DIAPH2: variants seen among roughly 807,000 people sequenced by gnomAD.
DIAPH2 encodes the protein diaphanous related formin 2, also known as protein diaphanous homolog 2.
A neutral mutation model predicts 92.7 loss-of-function variants in DIAPH2; 35 were observed. The observed-to-expected ratio is 0.38, with a 90% confidence interval of 0.29 to 0.50. DIAPH2 has a LOEUF of 0.50. Ranked by LOEUF, DIAPH2 falls within the 20% of genes least tolerant of loss-of-function variation. The pLI, the probability that DIAPH2 is intolerant of heterozygous loss-of-function variation, is 0.94. For synonymous variants in DIAPH2, 301 were observed against 280.4 expected (o/e 1.07, Z -0.73); for missense variants, 701 against 819.5 (o/e 0.86, Z 1.77).
At chrX:97,029,134 T>G (rs2066355078) in intron 17 of DIAPH2, among the ~76,000 whole-genome samples, 1 of 101,238 alleles carries the variant, frequency 9.9e-6, no homozygotes, top group South Asian at 5.2e-4. Flanking sequence ...GATCCTTTAC[T>G]TTTTTCTTTT....
intron 23 of DIAPH2, among the ~76,000 whole-genome samples, chrX:97,252,151 C>T (rs1303184658): frequency 8.9e-6 from 1 of 111,938 alleles, no homozygotes; most frequent in Non-Finnish European, 1.9e-5. Context: ...GACCTTACTG[C>T]TTATATCCAG....
Position 97,185,433 on chromosome X carries a change from ATG to A in DIAPH2, c.2719+43643_2719+43644del, listed in dbSNP as rs1569323236. Among the ~76,000 whole-genome samples, 12 of 57,440 alleles carry A rather than the reference ATG, an allele frequency of 2.1e-4. 1 individual carries two copies. Among genetic ancestry groups the A allele is most frequent in the South Asian group, 7.5e-4 (1 of 1,326 alleles). 49.9% of individuals were successfully genotyped at this position (57,440 alleles called of 115,157 possible). ...TATGTATATATATATGTATATATAT[ATG>A]TGTATATATATATGTGTGTGTATAT... On this transcript the variant is annotated intron_variant, in intron 22 of 26. Transcript: ENST00000324765.
chrX:96,969,663 G>A (rs73543189), intron 17 of DIAPH2, among the ~76,000 whole-genome samples: 2,461 of 111,234 alleles, frequency 0.022, 64 homozygotes, highest in African/African-American at 0.076. Flanking sequence ...TCTAGGTATA[G>A]GATCATATCG....
Position 96,919,864 on chromosome X carries a change from ATTAT to A in DIAPH2, c.978+1281_978+1284del, listed in dbSNP as rs60595365. Reference sequence around the variant, plus strand: ...TATGGTGTACTTTTATGTCAAATGTATTATTTATTTATTTATTTATTTATTTATT... The same window carrying A: ...TATGGTGTACTTTTATGTCAAATGTATTATTTATTTATTTATTTATTTATT... On this transcript the variant is annotated intron_variant, in intron 9 of 26. Transcript: ENST00000324765. Among the ~76,000 whole-genome samples the A allele has an allele frequency of 3.7e-3, 370 of 100,246 alleles. 2 individuals carry two copies. The highest frequency in any genetic ancestry group is 0.013 in the East Asian group (44 of 3,278). 87.1% of individuals were successfully genotyped at this position (100,246 alleles called of 115,157 possible). A position where few individuals can be genotyped will look rare whatever the true frequency, so the allele number is the denominator to read the frequency against.
intron 23 of DIAPH2, among the ~76,000 whole-genome samples, chrX:97,301,167 A>G (rs923088625): frequency 8.5e-5 from 9 of 106,037 alleles, no homozygotes; most frequent in Non-Finnish European, 1.4e-4. Flanking sequence ...AAAAAAAAAA[A>G]AAAAGAAAAT....
At chrX:97,456,011 A>G (rs1159182182) in intron 26 of DIAPH2, among the ~76,000 whole-genome samples, 2 of 112,088 alleles carry the variant, frequency 1.8e-5, no homozygotes, top group Non-Finnish European at 3.8e-5. Context: ...TACCTCCTTC[A>G]GAATCATGCT....
At chrX:97,088,614 TA>T (rs1370519823) in intron 19 of DIAPH2, among the ~76,000 whole-genome samples, 2 of 111,910 alleles carry the variant, frequency 1.8e-5, no homozygotes, top group Admixed American at 1.9e-4. Context: ...GTGAGCACTC[TA>T]TATTAAACTG....
chrX:97,003,021 C>T lies in DIAPH2; in HGVS notation c.2050+37814C>T, dbSNP rs142997922. Among the ~76,000 whole-genome samples the T allele has an allele frequency of 6.0e-4, 67 of 111,707 alleles. 1 individual carries two copies. In the East Asian group the frequency reaches 0.019, roughly 31 times the overall value. On this transcript the variant is annotated intron_variant, in intron 17 of 26. Coordinates refer to ENST00000324765, the MANE Select transcript of DIAPH2 (RefSeq NM_006729.5). The stretch of plus-strand genomic sequence containing the variant: ...TTCAATTGTTTGAATTTTTGGCTCT[C>T]ATGAATAAGTGAGAATATGTGAAGT...
At chrX:97,062,805 G>A (rs1310539484) in intron 17 of DIAPH2, among the ~76,000 whole-genome samples, 1 of 109,836 alleles carries the variant, frequency 9.1e-6, no homozygotes, top group East Asian at 2.8e-4. Flanking sequence ...GGCTGAGGTG[G>A]GTGGATTACT....
intron 26 of DIAPH2, among the ~76,000 whole-genome samples, chrX:97,510,114 C>A (rs1212412263): frequency 1.8e-5 from 2 of 109,883 alleles, no homozygotes; most frequent in African/African-American, 6.7e-5. Context: ...AACTAGTTTA[C>A]AGTCCCACCA....
chrX:96,780,690 G>C (rs963346550), intron 4 of DIAPH2, among the ~76,000 whole-genome samples: 4 of 110,234 alleles, frequency 3.6e-5, no homozygotes, highest in African/African-American at 1.3e-4. Flanking sequence ...CACCATGTTA[G>C]CCAGGATAGT....
intron 23 of DIAPH2, among the ~76,000 whole-genome samples, chrX:97,256,240 G>T (rs2068235403): frequency 8.9e-6 from 1 of 112,410 alleles, no homozygotes. Context: ...TTTTGTGTGT[G>T]TATGCACATA....
At chrX:96,899,075 C>T (rs2065371603) in intron 5 of DIAPH2, among the ~76,000 whole-genome samples, 2 of 110,639 alleles carry the variant, frequency 1.8e-5, no homozygotes, top group Non-Finnish European at 3.8e-5. Context: ...TGTTCTGTTC[C>T]GTTGATCTAT....
chrX:97,527,508 A>G (rs889519639), intron 26 of DIAPH2, among the ~76,000 whole-genome samples: 7 of 112,189 alleles, frequency 6.2e-5, no homozygotes, highest in Non-Finnish European at 1.1e-4. Context: ...CCCAAGTGGG[A>G]AAACTTTGCT....
chrX:96,874,132 T>C (rs1317413868), intron 4 of DIAPH2, among the ~76,000 whole-genome samples: 1 of 111,808 alleles, frequency 8.9e-6, no homozygotes, highest in Non-Finnish European at 1.9e-5. Flanking sequence ...ATCTGTTTCC[T>C]ATATTCATAG....
intron 4 of DIAPH2, among the ~76,000 whole-genome samples, chrX:96,802,818 A>G (rs1202268112): frequency 9.0e-6 from 1 of 111,625 alleles, no homozygotes; most frequent in Non-Finnish European, 1.9e-5. Context: ...TCGGAGTCCC[A>G]AAACCTTTAA....
chrX:97,353,145 A>G (rs1032950134), intron 24 of DIAPH2, among the ~76,000 whole-genome samples: 4 of 110,959 alleles, frequency 3.6e-5, no homozygotes, highest in African/African-American at 6.5e-5. Context: ...TCATAAGTGT[A>G]TACAAATAAA....
At chrX:96,929,949 A>G (rs1314017602) in intron 9 of DIAPH2, among the ~76,000 whole-genome samples, 4 of 111,149 alleles carry the variant, frequency 3.6e-5, no homozygotes, top group Admixed American at 9.6e-5. Flanking sequence ...CATTTTGTTG[A>G]TTCCCTTCTA....
intron 23 of DIAPH2, among the ~76,000 whole-genome samples, chrX:97,305,621 A>G (rs2147632767): frequency 9.1e-6 from 1 of 109,760 alleles, no homozygotes; most frequent in South Asian, 4.0e-4. Context: ...GGAGTTCGAG[A>G]CCAACCTGGA....
Sources: gnomAD v4.1 joint callset for allele counts (sites outside exome capture counted in the v4.1 genomes callset) on GRCh38, gnomAD v4.1.1 for gene constraint, MANE v1.5 for transcripts, NCBI Gene and HGNC (gene_info 2026-07-23, HGNC 2026-07-21) for gene names.